CAST: variants seen among roughly 807,000 people sequenced by gnomAD.
The protein encoded by CAST is calpastatin.
A neutral mutation model predicts 119.6 loss-of-function variants in CAST; 76 were observed. That is an observed-to-expected ratio of 0.64 (90% CI 0.53 to 0.77). The LOEUF is 0.77. Among genes scored for constraint, CAST ranks in the 30% least tolerant of loss-of-function variants. The pLI, the probability that CAST is intolerant of heterozygous loss-of-function variation, is 0.00. For missense variants in CAST, 953 were observed against 946.5 expected (o/e 1.01, Z -0.09); for synonymous variants, 319 against 331.6 (o/e 0.96, Z 0.41).
At chr5:96,763,096 T>C (rs1768566925) in intron 25 of CAST, 1 of 776,006 alleles carries the variant, frequency 1.3e-6, no homozygotes, top group Non-Finnish European at 2.4e-6. Context: ...CCTCATTTGC[T>C]AGATGGAGAT....
the CAST span, among the ~76,000 whole-genome samples, chr5:95,996,555 A>C: frequency 3.9e-5 from 6 of 152,302 alleles, no homozygotes; most frequent in South Asian, 1.2e-3. Flanking sequence ...CTGGCACATA[A>C]TTACCACGGA....
chr5:96,579,410 C>T (rs1026154471), intron 1 of CAST, among the ~76,000 whole-genome samples: 1 of 152,176 alleles, frequency 6.6e-6, no homozygotes, highest in African/African-American at 2.4e-5. Flanking sequence ...AAGGGGAGTG[C>T]TTCCCAGACA....
At chr5:96,522,364 G>A (rs1411836549), upstream of CAST, among the ~76,000 whole-genome samples, 1 of 152,034 alleles carries the variant, frequency 6.6e-6, no homozygotes, top group East Asian at 1.9e-4. Flanking sequence ...AGAATCCCAT[G>A]TCAGAACCAT....
the CAST span, among the ~76,000 whole-genome samples, chr5:96,086,161 T>A: frequency 6.6e-6 from 1 of 152,238 alleles, no homozygotes. Flanking sequence ...ATACTGTGTT[T>A]TTTAACTTAT....
intron 19 of CAST, among the ~76,000 whole-genome samples, chr5:96,750,229 G>A (rs1252841965): frequency 6.6e-6 from 1 of 152,076 alleles, no homozygotes; most frequent in East Asian, 1.9e-4. Context: ...CAAATGTATT[G>A]AGCTAACTGT....
intron 1 of CAST, among the ~76,000 whole-genome samples, chr5:96,613,311 T>A (rs1213201321): frequency 2.6e-5 from 4 of 152,200 alleles, no homozygotes; most frequent in African/African-American, 9.6e-5. Context: ...TCCTTGAACA[T>A]GGTTTCATCT....
the CAST span, among the ~76,000 whole-genome samples, chr5:96,319,491 T>C: frequency 2.6e-5 from 4 of 152,218 alleles, no homozygotes; most frequent in African/African-American, 9.6e-5. Flanking sequence ...CCATAATCTA[T>C]GCTACACTAC....
At chr5:96,481,967 C>T in the CAST span, among the ~76,000 whole-genome samples, 2 of 152,138 alleles carry the variant, frequency 1.3e-5, no homozygotes, top group African/African-American at 2.4e-5. Flanking sequence ...TATGAAGCCT[C>T]GTTTTAAATT....
chr5:96,537,945 A>G (rs1299983200), intron 1 of CAST, among the ~76,000 whole-genome samples: 1 of 152,130 alleles, frequency 6.6e-6, no homozygotes, highest in Non-Finnish European at 1.5e-5. Flanking sequence ...CTCCCCTAAA[A>G]TATCTCCCTG....
At chr5:96,354,255 T>C in the CAST span, among the ~76,000 whole-genome samples, 1 of 152,190 alleles carries the variant, frequency 6.6e-6, no homozygotes, top group Non-Finnish European at 1.5e-5. Context: ...CAACAGGATT[T>C]TTAAAAACTT....
chr5:96,149,429 TG>T, the CAST span, among the ~76,000 whole-genome samples: 558 of 152,318 alleles, frequency 3.7e-3, 3 homozygotes, highest in African/African-American at 0.013. Context: ...GGAATGAGTC[TG>T]GGGGAATTTG....
chr5:96,505,961 C>T, the CAST span, among the ~76,000 whole-genome samples: 1 of 152,318 alleles, frequency 6.6e-6, no homozygotes, highest in African/African-American at 2.4e-5. Flanking sequence ...AAACTCTGCC[C>T]TGGTGGTTTG....
intron 1 of CAST, among the ~76,000 whole-genome samples, chr5:96,609,558 C>A (rs1747322512): frequency 6.6e-6 from 1 of 152,200 alleles, no homozygotes; most frequent in Non-Finnish European, 1.5e-5. Flanking sequence ...GGGCTGAAAT[C>A]ACTGAGCTCA....
chr5:96,683,887 T>A (rs1751739228), intron 2 of CAST, among the ~76,000 whole-genome samples: 1 of 152,196 alleles, frequency 6.6e-6, no homozygotes, highest in Non-Finnish European at 1.5e-5. Flanking sequence ...TGAGAGAAAT[T>A]TAGAAAATTT....
the CAST span, among the ~76,000 whole-genome samples, chr5:96,142,725 C>T: frequency 5.3e-5 from 8 of 152,120 alleles, no homozygotes; most frequent in East Asian, 1.5e-3. Flanking sequence ...TGGGAAAATA[C>T]TTAAAAATGT....
At chr5:96,326,695 A>ATTTTTTTTTTTTTTTTTTTTTTTTTTT in the CAST span, among the ~76,000 whole-genome samples, 1 of 95,734 alleles carries the variant, frequency 1.0e-5, no homozygotes, top group Non-Finnish European at 2.0e-5. Flanking sequence ...ATGGCTTTTC[A>ATTTTTTTTTTTTTTTTTTTTTTTTTTT]TTTTTTTTTT....
chr5:96,667,189 T>G (rs528033896), intron 1 of CAST, among the ~76,000 whole-genome samples: 100 of 152,340 alleles, frequency 6.6e-4, no homozygotes, highest in Non-Finnish European at 1.0e-3. Context: ...AGGTCTAAAG[T>G]TATAGTTTCC....
chr5:96,483,519 AT>A, the CAST span, among the ~76,000 whole-genome samples: 1 of 152,222 alleles, frequency 6.6e-6, no homozygotes, highest in Non-Finnish European at 1.5e-5. Context: ...TAGATTTATC[AT>A]TAATAATAAT....
At chr5:96,328,807 G>T in the CAST span, among the ~76,000 whole-genome samples, 1 of 152,060 alleles carries the variant, frequency 6.6e-6, no homozygotes, top group South Asian at 2.1e-4. Context: ...GTGGAAAAGC[G>T]AAGCAAAACA....
Sources: allele counts gnomAD v4.1 joint callset (sites outside exome capture counted in the v4.1 genomes callset), GRCh38; gene constraint gnomAD v4.1.1; transcripts MANE v1.5; gene names NCBI Gene and HGNC (gene_info 2026-07-23, HGNC 2026-07-21).